The following LHFPL2 variants were observed in gnomAD, a reference collection of about 807,000 sequenced individuals.
The protein encoded by LHFPL2 is LHFPL tetraspan subfamily member 2 protein.
In LHFPL2, 7 loss-of-function variants were observed where a neutral mutation model predicts 17.5. That is an observed-to-expected ratio of 0.40 (90% CI 0.23 to 0.75). The LOEUF is 0.75. Ranked by LOEUF, LHFPL2 falls within the 30% of genes least tolerant of loss-of-function variation. LHFPL2 has a pLI of 0.37. For synonymous variants in LHFPL2, 134 were observed against 116.2 expected, an observed-to-expected ratio of 1.15 and a Z score of -0.99; for missense variants, 241 against 294.8, an observed-to-expected ratio of 0.82 and a Z score of 1.34.
intron 2 of LHFPL2, among the ~76,000 whole-genome samples, chr5:78,627,322 C>G (rs370814747): frequency 7.2e-5 from 11 of 152,216 alleles, no homozygotes; most frequent in African/African-American, 2.6e-4. Flanking sequence ...GTCAGACACT[C>G]TAAAAGCCCT....
rs879783916 is a variant in LHFPL2 at position 78,608,931 on chromosome 5, C to CAA, written c.-245+23331_-245+23332dup. The stretch of plus-strand genomic sequence containing the variant: ...TAGGCGACAGAGCAAGACTCCATCT[C>CAA]AAAAAAAAAAAAAAAATACATTAGA... On this transcript the variant is annotated intron_variant, in intron 2 of 4. Coordinates refer to ENST00000380345, the MANE Select transcript of LHFPL2 (RefSeq NM_005779.3). Among the ~76,000 whole-genome samples, 819 of 87,078 alleles carry CAA rather than the reference C, an allele frequency of 9.4e-3. 9 individuals are homozygous for CAA. Among genetic ancestry groups the CAA allele is most frequent in the African/African-American group, 0.03 (782 of 26,152 alleles). The allele number at this position is 87,078 out of a possible 152,430, so 57.1% of individuals were successfully genotyped here.
intron 2 of LHFPL2, among the ~76,000 whole-genome samples, chr5:78,614,216 T>C (rs1229426506): frequency 6.6e-6 from 1 of 152,232 alleles, no homozygotes; most frequent in Non-Finnish European, 1.5e-5. Context: ...ACCCTCAGCG[T>C]CCAGGGGCAG....
At chr5:78,525,188 T>C (rs1263545309) in intron 3 of LHFPL2, among the ~76,000 whole-genome samples, 1 of 152,214 alleles carries the variant, frequency 6.6e-6, no homozygotes, top group Non-Finnish European at 1.5e-5. Flanking sequence ...CAGAAGGTAC[T>C]GCTGTGGTTT....
In LHFPL2 at chr5:78,509,955, C is replaced by G; in HGVS notation, c.259G>C (p.Glu87Gln). 6.2e-7 allele frequency: 1 copy of G among 1,613,850 alleles called. No homozygotes were observed. Among genetic ancestry groups the G allele is most frequent in the Non-Finnish European group, 8.5e-7 (1 of 1,180,012 alleles). ...QRDTLCGPYA[E>Q]SFGEIASGFW... Reference sequence around the variant, plus strand: ...CCGCTGGCGATCTCGCCGAAGCTCTCGGCGTAGGGCCCGCACAGCGTGTCC... The same window carrying G: ...CCGCTGGCGATCTCGCCGAAGCTCTGGGCGTAGGGCCCGCACAGCGTGTCC... The change falls in exon 4 of 5, where the codon GAG becomes CAG. Residue 87 changes from glutamate to glutamine, a missense_variant. Coordinates refer to ENST00000380345, the MANE Select transcript of LHFPL2 (RefSeq NM_005779.3).
intron 3 of LHFPL2, among the ~76,000 whole-genome samples, chr5:78,538,251 G>A (rs893776351): frequency 1.3e-5 from 2 of 152,186 alleles, no homozygotes; most frequent in African/African-American, 4.8e-5. Context: ...TATTCTGGGG[G>A]TTCCAACGTT....
intron 1 of LHFPL2, among the ~76,000 whole-genome samples, chr5:78,645,876 C>T (rs341925): frequency 0.55 from 83,299 of 152,038 alleles, 22,984 homozygotes; most frequent in Middle Eastern, 0.6. Context: ...CCACTGTGGG[C>T]CCAGCCCCCA....
chr5:78,645,370 G>T (rs1745828273), intron 1 of LHFPL2, among the ~76,000 whole-genome samples: 1 of 151,790 alleles, frequency 6.6e-6, no homozygotes, highest in East Asian at 1.9e-4. Context: ...GGTATTTGCT[G>T]AATGACTGGA....
chr5:78,581,228 C>A (rs1247295830), intron 2 of LHFPL2, among the ~76,000 whole-genome samples: 2 of 152,192 alleles, frequency 1.3e-5, no homozygotes, highest in Non-Finnish European at 1.5e-5. Context: ...ACAATCATGT[C>A]ATCTGCAAAC....
chr5:78,533,739 C>A (rs1755856397), intron 3 of LHFPL2, among the ~76,000 whole-genome samples: 1 of 152,232 alleles, frequency 6.6e-6, no homozygotes, highest in Admixed American at 6.5e-5. Context: ...AAAAAGAACT[C>A]TGCCAAGCAT....
intron 1 of LHFPL2, among the ~76,000 whole-genome samples, chr5:78,634,301 C>T (rs1469799521): frequency 6.6e-6 from 1 of 152,218 alleles, no homozygotes; most frequent in Non-Finnish European, 1.5e-5. Context: ...GCCCCCAACA[C>T]CAATGCCACC....
intron 2 of LHFPL2, among the ~76,000 whole-genome samples, chr5:78,612,879 C>T (rs1010766643): frequency 1.8e-4 from 27 of 152,188 alleles, no homozygotes; most frequent in Non-Finnish European, 4.4e-5. Context: ...AAGGCTGAGC[C>T]AAGCTTCATA....
chr5:78,516,663 C>T lies in LHFPL2; in HGVS notation c.-185-6265G>A, dbSNP rs561883339. 5.9e-5 allele frequency among the ~76,000 whole-genome samples: 9 copies of T among 152,212 alleles called. No homozygotes were observed. The East Asian group carries it at 1.3e-3, about 23-fold the overall frequency. On this transcript the variant is annotated intron_variant, in intron 3 of 4. Transcript: ENST00000380345. ...TTCTGATGCGTATGTCTATAATCTGCGCATTCATGATATTTACTAAATTAA... is the reference window on the plus strand; with the variant it reads ...TTCTGATGCGTATGTCTATAATCTGTGCATTCATGATATTTACTAAATTAA...
At chr5:78,584,112 G>C (rs1490359938) in intron 2 of LHFPL2, among the ~76,000 whole-genome samples, 240 of 150,106 alleles carry the variant, frequency 1.6e-3, no homozygotes, top group African/African-American at 5.4e-3. Context: ...CGTAGTTCTC[G>C]AGCCTTGGTT....
intron 2 of LHFPL2, chr5:78,626,689 T>C (rs891739301): frequency 1.1e-4 from 16 of 152,144 alleles, no homozygotes; most frequent in African/African-American, 3.9e-4. Context: ...ATAAGCACGA[T>C]ACGAACCTAA....
intron 2 of LHFPL2, among the ~76,000 whole-genome samples, chr5:78,593,606 G>A (rs913097455): frequency 6.6e-6 from 1 of 152,148 alleles, no homozygotes; most frequent in Admixed American, 6.5e-5. Flanking sequence ...ACAGGTGAGC[G>A]TACTAAATCA....
At chr5:78,607,518 T>A (rs1028911456) in intron 2 of LHFPL2, among the ~76,000 whole-genome samples, 2 of 152,236 alleles carry the variant, frequency 1.3e-5, no homozygotes, top group Non-Finnish European at 2.9e-5. Context: ...TTTGCCATAT[T>A]TCCTCTGAGA....
intron 2 of LHFPL2, among the ~76,000 whole-genome samples, chr5:78,587,615 G>GT (rs1743464308): frequency 6.6e-6 from 1 of 152,218 alleles, no homozygotes; most frequent in Non-Finnish European, 1.5e-5. Flanking sequence ...TCTGACAATT[G>GT]TTTGCAAAGG....
chr5:78,606,286 A>G (rs76543710), intron 2 of LHFPL2, among the ~76,000 whole-genome samples: 1 of 152,182 alleles, frequency 6.6e-6, no homozygotes, highest in African/African-American at 2.4e-5. Context: ...ATCTGGTTTC[A>G]GATGAGCATC....
intron 2 of LHFPL2, among the ~76,000 whole-genome samples, chr5:78,614,412 G>A (rs535575530): frequency 6.6e-6 from 1 of 152,294 alleles, no homozygotes; most frequent in African/African-American, 2.4e-5. Flanking sequence ...GAGCCTCTGG[G>A]TAAAGCTCAC....
Sources: allele counts gnomAD v4.1 joint callset (sites outside exome capture counted in the v4.1 genomes callset), GRCh38; gene constraint gnomAD v4.1.1; transcripts MANE v1.5; gene names NCBI Gene and HGNC (gene_info 2026-07-23, HGNC 2026-07-21).